The following SLC4A4 variants were observed in gnomAD, a reference collection of about 807,000 sequenced individuals.
SLC4A4 encodes the protein solute carrier family 4 member 4.
A neutral mutation model predicts 111.5 loss-of-function variants in SLC4A4; 27 were observed. The ratio of observed to expected loss-of-function variants is 0.24; its 90% CI spans 0.18 to 0.33. SLC4A4 has a LOEUF of 0.33. Ranked by LOEUF, SLC4A4 falls within the 10% of genes least tolerant of loss-of-function variation. The pLI is 1.00. For missense variants in SLC4A4, 909 were observed against 1,315.5 expected, an observed-to-expected ratio of 0.69 and a Z score of 4.78; for synonymous variants, 443 against 463.4, an observed-to-expected ratio of 0.96 and a Z score of 0.57.
chr4:71,398,158 G>T (rs1720002028), intron 7 of SLC4A4, among the ~76,000 whole-genome samples: 1 of 151,774 alleles, frequency 6.6e-6, no homozygotes, highest in African/African-American at 2.4e-5. Flanking sequence ...GGTGGCACAG[G>T]GCTGTAATCC....
chr4:71,548,777 AAGCAAAAGCCCTCTGTTCATCTAAAGTT>A (rs1490053345), intron 20 of SLC4A4, among the ~76,000 whole-genome samples: 1 of 151,972 alleles, frequency 6.6e-6, no homozygotes, highest in African/African-American at 2.4e-5. Flanking sequence ...ACATAGTGAA[AAGCAAAAGCCCTCTGTTCATCTAAAGTT>A]AGCAAATTTT....
chr4:71,561,271 TGAG>T (rs1462428030), intron 23 of SLC4A4, among the ~76,000 whole-genome samples: 3 of 151,814 alleles, frequency 2.0e-5, no homozygotes, highest in Non-Finnish European at 2.9e-5. Context: ...ATTTTACAGA[TGAG>T]GAGATTTAGA....
At chr4:71,181,573 A>G (rs1054157491) in intron 2 of SLC4A4, among the ~76,000 whole-genome samples, 1 of 152,156 alleles carries the variant, frequency 6.6e-6, no homozygotes, top group Non-Finnish European at 1.5e-5. Flanking sequence ...GTGAAGCCTG[A>G]AATCTGTCTT....
At chr4:71,096,612 A>C (rs1742562827) in intron 2 of SLC4A4, among the ~76,000 whole-genome samples, 1 of 152,232 alleles carries the variant, frequency 6.6e-6, no homozygotes, top group Non-Finnish European at 1.5e-5. Flanking sequence ...TTTTAAATAA[A>C]AATGGGATCC....
At chr4:71,089,242 C>T (rs562860745) in intron 1 of SLC4A4, among the ~76,000 whole-genome samples, 1 of 152,170 alleles carries the variant, frequency 6.6e-6, no homozygotes, top group South Asian at 2.1e-4. Context: ...TGGTTTTCAG[C>T]TCCATCAGGT....
chr4:71,548,621 C>A (rs1735740805), intron 20 of SLC4A4, among the ~76,000 whole-genome samples: 1 of 151,820 alleles, frequency 6.6e-6, no homozygotes, highest in Admixed American at 6.6e-5. Context: ...CTATAAACAA[C>A]CACTGTTAAC....
intron 1 of SLC4A4, among the ~76,000 whole-genome samples, chr4:71,073,252 T>C (rs1255178153): frequency 1.3e-5 from 2 of 152,230 alleles, no homozygotes; most frequent in African/African-American, 4.8e-5. Context: ...TTGCTATTTT[T>C]ATACCTAATT....
Position 71,453,602 on chromosome 4 carries a change from A to T in SLC4A4, c.1430A>T (p.Tyr477Phe), listed in dbSNP as rs1266130734. The change falls in exon 12 of 26, where the codon TAT becomes TTT. Residue 477 changes from tyrosine to phenylalanine, a missense_variant. Transcript: ENST00000264485. The part of the protein sequence containing the change: ...IQALSAILFI[Y>F]LATVTNAITF... ...GCTCTTTCGGCAATTCTCTTCATTT[A>T]TCTGGCAACTGTAACTAATGCTATC... 1 of 1,613,862 alleles carries T rather than the reference A, an allele frequency of 6.2e-7. No individual in the cohort carries two copies. The highest frequency in any genetic ancestry group is 8.5e-7 in the Non-Finnish European group (1 of 1,179,918).
intron 7 of SLC4A4, among the ~76,000 whole-genome samples, chr4:71,435,114 A>C (rs1192590223): frequency 6.6e-6 from 1 of 152,144 alleles, no homozygotes; most frequent in Non-Finnish European, 1.5e-5. Context: ...AATCCTAAGC[A>C]AAAAGAACAA....
intron 3 of SLC4A4, among the ~76,000 whole-genome samples, chr4:71,333,400 C>T (rs892625999): frequency 7.9e-5 from 12 of 152,364 alleles, no homozygotes; most frequent in African/African-American, 2.9e-4. Flanking sequence ...GTCTCTCTTT[C>T]CATTTGAGCT....
At chr4:71,072,994 T>A (rs1741709281) in intron 1 of SLC4A4, among the ~76,000 whole-genome samples, 1 of 152,058 alleles carries the variant, frequency 6.6e-6, no homozygotes. Context: ...CATGAACTCC[T>A]GGGCTTGAGG....
intron 2 of SLC4A4, among the ~76,000 whole-genome samples, chr4:71,148,105 C>T (rs1390419035): frequency 1.3e-5 from 2 of 152,178 alleles, no homozygotes; most frequent in African/African-American, 4.8e-5. Flanking sequence ...CTTTAAAGAT[C>T]ACCGACCCCA....
At chr4:71,343,434 C>T (rs1417491908) in intron 4 of SLC4A4, among the ~76,000 whole-genome samples, 4 of 152,114 alleles carry the variant, frequency 2.6e-5, no homozygotes, top group African/African-American at 7.2e-5. Context: ...ATCAACTAAT[C>T]GGAGGGCTAA....
At chr4:71,292,219 G>A (rs1380836111) in intron 3 of SLC4A4, among the ~76,000 whole-genome samples, 1 of 152,178 alleles carries the variant, frequency 6.6e-6, no homozygotes, top group Non-Finnish European at 1.5e-5. Flanking sequence ...CTTTTCTGGT[G>A]AGTTAAATAT....
chr4:71,514,908 A>T (rs912710472), intron 16 of SLC4A4, among the ~76,000 whole-genome samples: 1 of 151,498 alleles, frequency 6.6e-6, no homozygotes, highest in Non-Finnish European at 1.5e-5. Flanking sequence ...CTAGCAGTTT[A>T]TTGGCTGTGT....
chr4:71,345,638 C>A (rs1729260229), intron 4 of SLC4A4, among the ~76,000 whole-genome samples: 1 of 152,028 alleles, frequency 6.6e-6, no homozygotes, highest in South Asian at 2.1e-4. Context: ...TCTGAAGTAC[C>A]TGATTTAAGG....
chr4:71,307,653 G>T (rs567655024), intron 3 of SLC4A4, among the ~76,000 whole-genome samples: 1 of 152,310 alleles, frequency 6.6e-6, no homozygotes, highest in Admixed American at 6.5e-5. Flanking sequence ...TTTAGATAGA[G>T]AGTATGGGTG....
chr4:71,077,081 A>AAT (rs139830530), intron 1 of SLC4A4, among the ~76,000 whole-genome samples: 24 of 148,020 alleles, frequency 1.6e-4, no homozygotes, highest in East Asian at 9.8e-4. Flanking sequence ...TATATACATA[A>AAT]ATATATATAT....
At chr4:71,214,903 C>T (rs1187048978) in intron 1 of SLC4A4, among the ~76,000 whole-genome samples, 1 of 152,176 alleles carries the variant, frequency 6.6e-6, no homozygotes, top group Non-Finnish European at 1.5e-5. Flanking sequence ...GCAGTAGTAG[C>T]TTTATGCATT....
Sources: gnomAD v4.1 joint callset for allele counts (sites outside exome capture counted in the v4.1 genomes callset) on GRCh38, gnomAD v4.1.1 for gene constraint, MANE v1.5 for transcripts, NCBI Gene and HGNC (gene_info 2026-07-23, HGNC 2026-07-21) for gene names.